MEIS1: variants seen among roughly 807,000 people sequenced by gnomAD.
MEIS1 encodes Meis homeobox 1.
A neutral mutation model predicts 50.8 loss-of-function variants in MEIS1; 5 were observed. The observed-to-expected ratio is 0.10, with a 90% CI of 0.05 to 0.21. MEIS1 has a LOEUF of 0.21. Among genes scored for constraint, MEIS1 ranks in the 10% least tolerant of loss-of-function variants. MEIS1 has a pLI of 1.00. For synonymous variants in MEIS1, 176 were observed against 179.3 expected, an observed-to-expected ratio of 0.98 and a Z score of 0.15; for missense variants, 318 against 517.3, an observed-to-expected ratio of 0.61 and a Z score of 3.74.
At chr2:66,505,117 A>G (rs1673656133) in intron 7 of MEIS1, among the ~76,000 whole-genome samples, 1 of 152,180 alleles carries the variant, frequency 6.6e-6, no homozygotes, top group African/African-American at 2.4e-5. Flanking sequence ...AAAATGTGTA[A>G]TAAGACCTAA....
intron 7 of MEIS1, among the ~76,000 whole-genome samples, chr2:66,510,940 T>G (rs954164786): frequency 3.9e-5 from 6 of 152,154 alleles, no homozygotes; most frequent in African/African-American, 1.2e-4. Context: ...CTTACCAAAG[T>G]TTCAGGTTCT....
chr2:66,503,651 A>G (rs62144051), intron 7 of MEIS1, among the ~76,000 whole-genome samples: 9,678 of 132,674 alleles, frequency 0.073, 409 homozygotes, highest in Middle Eastern at 0.12. Context: ...GTGTTGGCCT[A>G]GTGTTTGGGA....
At chr2:66,514,801 A>G (rs900558184) in intron 8 of MEIS1, among the ~76,000 whole-genome samples, 1 of 152,184 alleles carries the variant, frequency 6.6e-6, no homozygotes, top group African/African-American at 2.4e-5. Context: ...TAATTGCAAG[A>G]GCAAATAGAC....
chr2:66,518,210 A>G (rs1415534458), intron 8 of MEIS1, among the ~76,000 whole-genome samples: 2 of 152,188 alleles, frequency 1.3e-5, no homozygotes, highest in African/African-American at 4.8e-5. Flanking sequence ...TTATTTATCC[A>G]GGTATATAGC....
intron 7 of MEIS1, among the ~76,000 whole-genome samples, chr2:66,492,625 G>A (rs1026776371): frequency 6.6e-6 from 1 of 152,186 alleles, no homozygotes; most frequent in African/African-American, 2.4e-5. Flanking sequence ...AGCTGATTCT[G>A]AGTTGAGTAT....
chr2:66,478,083 G>A (rs980391741), intron 7 of MEIS1, among the ~76,000 whole-genome samples: 1 of 152,190 alleles, frequency 6.6e-6, no homozygotes, highest in African/African-American at 2.4e-5. Context: ...CATTTTGTGT[G>A]TCTAGAATTT....
intron 7 of MEIS1, among the ~76,000 whole-genome samples, chr2:66,470,674 A>G (rs1486643987): frequency 6.6e-6 from 1 of 152,242 alleles, no homozygotes; most frequent in East Asian, 1.9e-4. Flanking sequence ...CAACATCACC[A>G]GTAAACTTGA....
At chr2:66,443,376 G>C (rs1489121617) in intron 6 of MEIS1, 2 of 249,586 alleles carry the variant, frequency 8.0e-6, no homozygotes, top group Non-Finnish European at 1.5e-5. Context: ...GATTGTAGGG[G>C]CTTTGTTCCG....
intron 8 of MEIS1, among the ~76,000 whole-genome samples, chr2:66,542,667 A>AG (rs899191972): frequency 1.3e-5 from 2 of 152,226 alleles, no homozygotes; most frequent in Admixed American, 6.5e-5. Context: ...AGGCTTGAGA[A>AG]GGGGCAGTGT....
chr2:66,520,678 T>A (rs1042295823), intron 8 of MEIS1, among the ~76,000 whole-genome samples: 7 of 152,210 alleles, frequency 4.6e-5, no homozygotes, highest in Admixed American at 1.3e-4. Flanking sequence ...AGGAAAAAAA[T>A]TTATTGTAAT....
chr2:66,537,247 TG>T lies in MEIS1; in HGVS notation c.889-10694del, dbSNP rs533216670. On this transcript the variant is annotated intron_variant, in intron 8 of 12. Coordinates refer to ENST00000272369, the MANE Select transcript of MEIS1 (RefSeq NM_002398.3). ...TAATTACAAGCTTAAAGAGGTTTAG[TG>T]GTCCAGTAAACTACATAATCACCCC... is the stretch of plus-strand genomic sequence containing the variant. Among the ~76,000 whole-genome samples the T allele has an allele frequency of 5.9e-5, 9 of 152,342 alleles. No individual in the cohort carries two copies. The East Asian group carries it at 1.5e-3, about 26-fold the overall frequency.
intron 9 of MEIS1, among the ~76,000 whole-genome samples, chr2:66,553,584 A>G (rs1220003314): frequency 6.6e-6 from 1 of 152,260 alleles, no homozygotes; most frequent in Non-Finnish European, 1.5e-5. Context: ...GGGTATTATT[A>G]GGAAAGCTGA....
intron 9 of MEIS1, among the ~76,000 whole-genome samples, chr2:66,551,224 A>G (rs1674910959): frequency 6.6e-6 from 1 of 152,204 alleles, no homozygotes; most frequent in African/African-American, 2.4e-5. Flanking sequence ...AGTTTGCTAC[A>G]TTTTAATGGT....
At chr2:66,440,539 CT>C in intron 3 of MEIS1, 22 bp from the exon 4 acceptor site, 2 of 1,606,642 alleles carry the variant, frequency 1.2e-6, no homozygotes, top group Non-Finnish European at 1.7e-6. Context: ...TCCCTCTCCC[CT>C]CTCCTTCTCA....
Position 66,571,637 on chromosome 2 carries a change from C to A in MEIS1, c.*429C>A, listed in dbSNP as rs1675489876. On this transcript the variant is annotated 3_prime_UTR_variant, in exon 13 of 13. Coordinates refer to ENST00000272369, the MANE Select transcript of MEIS1 (RefSeq NM_002398.3). ...GCATCTACTCTGGACCAAGGAGCAT[C>A]CCTAATTCTTCATAGGGACCTTTAA... 7.5e-7 allele frequency: 1 copy of A among 1,330,390 alleles called. No homozygotes were observed. The highest frequency in any genetic ancestry group is 1.0e-6 in the Non-Finnish European group (1 of 969,154). 82.4% of individuals were successfully genotyped at this position (1,330,390 alleles called of 1,614,324 possible).
intron 8 of MEIS1, among the ~76,000 whole-genome samples, chr2:66,512,777 A>G (rs1420354344): frequency 1.3e-5 from 2 of 152,210 alleles, no homozygotes; most frequent in Non-Finnish European, 2.9e-5. Context: ...ACTGGCTTCC[A>G]TTACAAAACA....
At chr2:66,444,559 C>G (rs1672080960) in intron 6 of MEIS1, among the ~76,000 whole-genome samples, 1 of 152,232 alleles carries the variant, frequency 6.6e-6, no homozygotes, top group Non-Finnish European at 1.5e-5. Context: ...GAGTTGGAAA[C>G]TTTCGGCAGT....
intron 8 of MEIS1, among the ~76,000 whole-genome samples, chr2:66,544,147 C>T (rs113606197): frequency 1.2e-4 from 19 of 152,316 alleles, no homozygotes; most frequent in East Asian, 9.6e-4. Flanking sequence ...TGCAAAGTGA[C>T]GTCTGCCTTT....
chr2:66,482,373 T>C (rs1368982037), intron 7 of MEIS1, among the ~76,000 whole-genome samples: 1 of 152,176 alleles, frequency 6.6e-6, no homozygotes, highest in East Asian at 1.9e-4. Context: ...ACCTAAGGCC[T>C]GACAGGGTGT....
Sources: allele counts gnomAD v4.1 joint callset (sites outside exome capture counted in the v4.1 genomes callset), GRCh38; gene constraint gnomAD v4.1.1; transcripts MANE v1.5; gene names NCBI Gene and HGNC (gene_info 2026-07-23, HGNC 2026-07-21).